The following RBFOX1 variants were observed in gnomAD, a reference collection of about 807,000 sequenced individuals.
RBFOX1 encodes the protein RNA binding protein fox-1 homolog 1.
A neutral mutation model predicts 57.7 loss-of-function variants in RBFOX1; 8 were observed. That is an observed-to-expected ratio of 0.14 (90% CI 0.08 to 0.25). RBFOX1 has a LOEUF of 0.25. Among genes scored for constraint, RBFOX1 ranks in the 10% least tolerant of loss-of-function variants. The pLI is 1.00. For synonymous variants in RBFOX1, 326 were observed against 222.4 expected (o/e 1.47, Z -4.15); for missense variants, 611 against 548.5 (o/e 1.11, Z -1.14).
rs200261922 is a variant in RBFOX1 at position 6,690,760 on chromosome 16, T to TTC, written c.-16+36111_-16+36112insCT. 4.1e-4 allele frequency among the ~76,000 whole-genome samples: 60 copies of TTC among 145,682 alleles called. 1 individual carries two copies. The East Asian group carries it at 6.6e-3, about 16-fold the overall frequency. On this transcript the variant is annotated intron_variant, in intron 3 of 15. Transcript: ENST00000550418. ...GGTTTGGTTTCTTTTCTTTCTTTCT[T>TTC]TTTTTTTTTTTTTAACTTTAGAAGT...
At chr16:6,054,899 C>G (rs141930514) in intron 1 of RBFOX1, among the ~76,000 whole-genome samples, 19,690 of 152,096 alleles carry the variant, frequency 0.13, 1,459 homozygotes, top group East Asian at 0.28. Context: ...TCTCCTGCCT[C>G]AGCCTCCCAA....
chr16:5,533,467 A>G (rs1310428028), intron 2 of RBFOX1, among the ~76,000 whole-genome samples: 2 of 152,250 alleles, frequency 1.3e-5, no homozygotes, highest in East Asian at 1.9e-4. Context: ...TTGCTTGAAC[A>G]CACATTTTTT....
At chr16:7,682,800 ATTTAAAG>A (rs1194855667) in intron 14 of RBFOX1, among the ~76,000 whole-genome samples, 2 of 150,186 alleles carry the variant, frequency 1.3e-5, no homozygotes, top group Admixed American at 6.7e-5. Flanking sequence ...TTTCTTGTTC[ATTTAAAG>A]TTTACTTTCC....
At chr16:7,142,247 C>A (rs781467325) in intron 4 of RBFOX1, among the ~76,000 whole-genome samples, 12 of 152,116 alleles carry the variant, frequency 7.9e-5, no homozygotes, top group African/African-American at 2.9e-4. Context: ...TGGCCTTGAT[C>A]TGCTGAGCTC....
chr16:6,716,584 C>A (rs923045947), intron 3 of RBFOX1, among the ~76,000 whole-genome samples: 51 of 152,230 alleles, frequency 3.4e-4, no homozygotes, highest in Admixed American at 9.2e-4. Flanking sequence ...GTCTCAGAAT[C>A]TTTCAGGCGA....
chr16:7,337,663 GT>G (rs1226711148), intron 4 of RBFOX1, among the ~76,000 whole-genome samples: 1 of 152,054 alleles, frequency 6.6e-6, no homozygotes, highest in Non-Finnish European at 1.5e-5. Flanking sequence ...GCAGGTGAAT[GT>G]TTTTTGTGTT....
At chr16:6,814,134 C>A (rs1421634397) in intron 3 of RBFOX1, among the ~76,000 whole-genome samples, 4 of 152,040 alleles carry the variant, frequency 2.6e-5, no homozygotes, top group African/African-American at 9.7e-5. Flanking sequence ...TTATTTAAAA[C>A]TCCTAGAACA....
intron 2 of RBFOX1, among the ~76,000 whole-genome samples, chr16:6,478,980 G>T (rs2095327909): frequency 6.6e-6 from 1 of 152,078 alleles, no homozygotes; most frequent in Non-Finnish European, 1.5e-5. Flanking sequence ...AAAAAAAGTG[G>T]CACCAATAGA....
At chr16:6,529,712 C>T (rs942159431) in intron 2 of RBFOX1, among the ~76,000 whole-genome samples, 7 of 152,062 alleles carry the variant, frequency 4.6e-5, no homozygotes, top group African/African-American at 1.7e-4. Context: ...TAAATAATTG[C>T]ATAGACTCCA....
intron 4 of RBFOX1, among the ~76,000 whole-genome samples, chr16:5,923,264 A>C (rs1223855241): frequency 6.6e-6 from 1 of 152,180 alleles, no homozygotes; most frequent in Non-Finnish European, 1.5e-5. Flanking sequence ...AATTAACAAA[A>C]AGAGAGGAGA....
At chr16:6,118,355 G>T (rs2096519979) in intron 1 of RBFOX1, among the ~76,000 whole-genome samples, 1 of 152,092 alleles carries the variant, frequency 6.6e-6, no homozygotes, top group African/African-American at 2.4e-5. Context: ...TTTTTAAAAA[G>T]AAATTTATTT....
chr16:5,584,794 C>T (rs1367440951), intron 2 of RBFOX1, among the ~76,000 whole-genome samples: 1 of 152,114 alleles, frequency 6.6e-6, no homozygotes. Flanking sequence ...AGTGAATTGG[C>T]AACTGTATTA....
intron 2 of RBFOX1, among the ~76,000 whole-genome samples, chr16:6,488,029 C>T (rs945880953): frequency 6.6e-6 from 1 of 151,970 alleles, no homozygotes; most frequent in Non-Finnish European, 1.5e-5. Context: ...AGCTCATCTC[C>T]CAGCACCATT....
intron 2 of RBFOX1, among the ~76,000 whole-genome samples, chr16:6,332,359 A>G (rs780653276): frequency 6.6e-6 from 1 of 152,232 alleles, no homozygotes; most frequent in African/African-American, 2.4e-5. Context: ...TAAGACATAA[A>G]TAAGACTTTA....
intron 2 of RBFOX1, among the ~76,000 whole-genome samples, chr16:5,581,795 G>A (rs1263391138): frequency 6.6e-6 from 1 of 152,124 alleles, no homozygotes; most frequent in African/African-American, 2.4e-5. Context: ...AGGAGCGAGT[G>A]GGAGGCAGAC....
chr16:6,693,681 A>G (rs533285108), intron 3 of RBFOX1, among the ~76,000 whole-genome samples: 7 of 150,840 alleles, frequency 4.6e-5, no homozygotes, highest in African/African-American at 1.7e-4. Context: ...TGCTACCATC[A>G]CCACCATCAT....
chr16:5,764,298 A>C (rs1222449174), intron 3 of RBFOX1, among the ~76,000 whole-genome samples: 1 of 152,208 alleles, frequency 6.6e-6, no homozygotes, highest in Admixed American at 6.5e-5. Flanking sequence ...ATTCTGCCTC[A>C]ATGCTGGAAG....
At position 7,103,963 on chromosome 16, in the gene RBFOX1, G is replaced by T. The variant is rs569237755; in HGVS notation, c.27+51865G>T. Among the ~76,000 whole-genome samples, 592 of 152,134 alleles carry T rather than the reference G, an allele frequency of 3.9e-3. 4 individuals carry two copies. The highest frequency in any genetic ancestry group is 7.9e-3 in the South Asian group (38 of 4,810). On this transcript the variant is annotated intron_variant, in intron 4 of 15. Coordinates refer to ENST00000550418, the MANE Select transcript of RBFOX1 (RefSeq NM_018723.4). Reference sequence around the variant, plus strand: ...AATTGAAATCTTCCAAGTATCCGTTGGTTTACACAACTTGCTCCCTATTAT... The same window carrying T: ...AATTGAAATCTTCCAAGTATCCGTTTGTTTACACAACTTGCTCCCTATTAT...
At chr16:7,334,654 C>T (rs1034031701) in intron 4 of RBFOX1, among the ~76,000 whole-genome samples, 1 of 152,130 alleles carries the variant, frequency 6.6e-6, no homozygotes, top group African/African-American at 2.4e-5. Context: ...GACTCCAGAG[C>T]TTGTTGGGAA....
Sources: allele counts gnomAD v4.1 joint callset (sites outside exome capture counted in the v4.1 genomes callset), GRCh38; gene constraint gnomAD v4.1.1; transcripts MANE v1.5; gene names NCBI Gene and HGNC (gene_info 2026-07-23, HGNC 2026-07-21).